Variants in LEMD2 observed in about 807,000 individuals in gnomAD.
LEMD2 encodes LEM domain nuclear envelope protein 2, also known as LEM domain-containing protein 2.
In LEMD2, 34 loss-of-function variants were observed where a neutral mutation model predicts 58.8. The ratio of observed to expected loss-of-function variants is 0.58; its 90% CI spans 0.44 to 0.77. The LOEUF is 0.77. Ranked by LOEUF, LEMD2 falls within the 30% of genes least tolerant of loss-of-function variation. The pLI, the probability that LEMD2 is intolerant of heterozygous loss-of-function variation, is 0.00. For missense variants in LEMD2, 629 were observed against 717.9 expected, an observed-to-expected ratio of 0.88 and a Z score of 1.42; for synonymous variants, 298 against 308.9, an observed-to-expected ratio of 0.96 and a Z score of 0.37.
intron 1 of LEMD2, among the ~76,000 whole-genome samples, chr6:33,787,502 G>A (rs1403387706): frequency 6.6e-6 from 1 of 152,220 alleles, no homozygotes; most frequent in Non-Finnish European, 1.5e-5. Context: ...GTTCCTGCTA[G>A]GCATGAAAGG....
intron 4 of LEMD2, among the ~76,000 whole-genome samples, chr6:33,780,867 A>G (rs1269313467): frequency 6.6e-6 from 1 of 152,222 alleles, no homozygotes; most frequent in Non-Finnish European, 1.5e-5. Context: ...CCCACTGCAC[A>G]TGGCGGCCTG....
At position 33,774,631 on chromosome 6, in the gene LEMD2, T is replaced by G. The variant is rs557593479; in HGVS notation, c.1362-1853A>C. Among the ~76,000 whole-genome samples, 5 of 152,086 alleles carry G rather than the reference T, an allele frequency of 3.3e-5. No individual in the cohort carries two copies. The South Asian group carries it at 6.2e-4, about 19-fold the overall frequency. The stretch of plus-strand genomic sequence containing the variant: ...TTTTAGTAAAGATGGGGTTTCACTA[T>G]GTTGCCCAGGCTGGTCTCGAACTCC... On this transcript the variant is annotated intron_variant, in intron 8 of 8. Coordinates refer to ENST00000293760, the MANE Select transcript of LEMD2 (RefSeq NM_181336.4).
At position 33,777,053 on chromosome 6, in the gene LEMD2, A is replaced by C; in HGVS notation, c.1262T>G (p.Val421Gly). 1 of 1,613,824 alleles carries C rather than the reference A, an allele frequency of 6.2e-7. No individual in the cohort carries two copies. The highest frequency in any genetic ancestry group is 2.2e-5 in the East Asian group (1 of 44,874). The change falls in exon 8 of 9, where the codon GTG becomes GGG. Residue 421 changes from valine to glycine, a missense_variant. By Grantham distance (109) the Val-to-Gly change is moderately radical. This residue lies in a region of LEMD2 where 243 missense variants were observed against 336.8 expected (regional missense o/e 0.72). Transcript: ENST00000293760. ...MYEMVKKIID[V>G]VQDHYVDWEQ... The stretch of plus-strand genomic sequence containing the variant: ...CCAGTCCACGTAATGGTCCTGGACC[A>C]CGTCTGCAGGAGAGAGCACACCATT...
chr6:33,774,766 CCT>C (rs1271780908), intron 8 of LEMD2, among the ~76,000 whole-genome samples: 1 of 152,156 alleles, frequency 6.6e-6, no homozygotes, highest in African/African-American at 2.4e-5. Context: ...AGGCCACCAC[CCT>C]GATACCAACC....
chr6:33,779,455 A>G (rs765874080), intron 5 of LEMD2: 5 of 152,062 alleles, frequency 3.3e-5, no homozygotes, highest in Admixed American at 1.3e-4. Flanking sequence ...AGAGACCCCC[A>G]CAAACACCGA....
At chr6:33,784,461 GGGGT>G (rs1582261600) in intron 2 of LEMD2, 34 bp from the exon 3 acceptor site, 3 of 949,448 alleles carry the variant, frequency 3.2e-6, no homozygotes, top group Non-Finnish European at 3.3e-6. Flanking sequence ...TCAGCAAGGA[GGGGT>G]GGGTGGGAGG....
At chr6:33,773,558 G>C (rs372815951) in intron 8 of LEMD2, among the ~76,000 whole-genome samples, 51 of 151,448 alleles carry the variant, frequency 3.4e-4, no homozygotes, top group East Asian at 2.8e-3. Context: ...GGAGCAGAAG[G>C]GGAGGACAAA....
rs146743691 is a variant in LEMD2 at position 33,776,409 on chromosome 6, A to G, written c.1361+545T>C. Reference sequence around the variant, plus strand: ...CTACTGGGAACATGTTCTCTTGCTTATAAGACAACAATAGGCCTACTTTTC... The same window carrying G: ...CTACTGGGAACATGTTCTCTTGCTTGTAAGACAACAATAGGCCTACTTTTC... On this transcript the variant is annotated intron_variant, in intron 8 of 8. Coordinates refer to ENST00000293760, the MANE Select transcript of LEMD2 (RefSeq NM_181336.4). 2.9e-3 allele frequency among the ~76,000 whole-genome samples: 442 copies of G among 152,362 alleles called. 4 individuals are homozygous for G. Among genetic ancestry groups the G allele is most frequent in the African/African-American group, 9.4e-3 (389 of 41,582 alleles).
rs1251931140 is a variant in LEMD2 at position 33,788,392 on chromosome 6, G to A, written c.725C>T (p.Ala242Val). 1 of 1,578,366 alleles carries A rather than the reference G, an allele frequency of 6.3e-7. No individual in the cohort carries two copies. Among genetic ancestry groups the A allele is most frequent in the Non-Finnish European group, 8.6e-7 (1 of 1,163,762 alleles). Residue 242 changes from alanine to valine, a missense_variant, in exon 1 of 9, where the codon GCG (alanine) becomes GTG (valine). This residue lies in a region of LEMD2 where 386 missense variants were observed against 381.1 expected (regional missense o/e 1.01). Coordinates refer to ENST00000293760, the MANE Select transcript of LEMD2 (RefSeq NM_181336.4). ...KMGKPSAPQE[A>V]EDNMKLLPVD... Reference sequence around the variant, plus strand: ...GGCCCAGGACGTACTGTTGTCCTCCGCCTCCTGCGGCGCTGAGGGCTTGCC... The same window carrying A: ...GGCCCAGGACGTACTGTTGTCCTCCACCTCCTGCGGCGCTGAGGGCTTGCC...
chr6:33,772,305 C>A lies in LEMD2; in HGVS notation c.*323G>T. On this transcript the variant is annotated 3_prime_UTR_variant, in exon 9 of 9. Coordinates refer to ENST00000293760, the MANE Select transcript of LEMD2 (RefSeq NM_181336.4). Reference sequence around the variant, plus strand: ...CGTGGCCATGCCCCAGCCCACCAGCCCCACGCTTGTCAGCTGGGCCTGACA... The same window carrying A: ...CGTGGCCATGCCCCAGCCCACCAGCACCACGCTTGTCAGCTGGGCCTGACA... 1 of 210,870 alleles carries A rather than the reference C, an allele frequency of 4.7e-6. No individual in the cohort carries two copies. The highest frequency in any genetic ancestry group is 9.4e-6 in the Non-Finnish European group (1 of 105,868). 13.1% of individuals were successfully genotyped at this position (210,870 alleles called of 1,614,324 possible). A position where few individuals can be genotyped will look rare whatever the true frequency, so the allele number is the denominator to read the frequency against.
At chr6:33,786,370 C>T (rs562249900) in intron 2 of LEMD2, among the ~76,000 whole-genome samples, 15 of 152,178 alleles carry the variant, frequency 9.9e-5, no homozygotes, top group Non-Finnish European at 1.9e-4. Flanking sequence ...AGAACTTGGC[C>T]TCCTGATGCT....
chr6:33,787,044 C>G, intron 1 of LEMD2: 1 of 511,010 alleles, frequency 2.0e-6, no homozygotes. Flanking sequence ...CCACTCTGAA[C>G]CTCTGTCTCC....
At chr6:33,772,855 ACACATT>A in intron 8 of LEMD2, 77 bp from the exon 9 acceptor site, 1 of 1,335,712 alleles carries the variant, frequency 7.5e-7, no homozygotes, top group Non-Finnish European at 1.0e-6. Flanking sequence ...TACAAAGGGC[ACACATT>A]TCCAGGCTCT....
intron 5 of LEMD2, 71 bp downstream of exon 5, chr6:33,780,029 G>T: frequency 7.7e-7 from 1 of 1,293,040 alleles, no homozygotes; most frequent in Non-Finnish European, 1.1e-6. Flanking sequence ...GTTGGAGCAC[G>T]GGTGTTAGCT....
chr6:33,773,012 G>A (rs972306490), intron 8 of LEMD2, among the ~76,000 whole-genome samples: 3 of 152,224 alleles, frequency 2.0e-5, no homozygotes, highest in Non-Finnish European at 4.4e-5. Context: ...GAGCTAAAGG[G>A]CCGAGGTGTC....
chr6:33,781,242 G>A, intron 3 of LEMD2, 89 bp from the exon 4 acceptor site: 1 of 826,812 alleles, frequency 1.2e-6, no homozygotes, highest in South Asian at 1.5e-5. Context: ...CAAGCCATCA[G>A]CTCTAATAAG....
At chr6:33,782,755 T>A (rs1389353447) in intron 3 of LEMD2, among the ~76,000 whole-genome samples, 1 of 152,238 alleles carries the variant, frequency 6.6e-6, no homozygotes. Flanking sequence ...AGGCAGGACC[T>A]GGAGCTGAGT....
In LEMD2 at chr6:33,788,570, G is replaced by C; in HGVS notation, c.547C>G (p.Pro183Ala). Residue 183 changes from proline (P) to alanine (A), a missense_variant, in exon 1 of 9, where the codon CCG becomes GCG. By Grantham distance (27) the Pro-to-Ala change is conservative (BLOSUM62 -1). Coordinates refer to ENST00000293760, the MANE Select transcript of LEMD2 (RefSeq NM_181336.4). ...PSSLLGPDPR[P>A]GLRATRAGPA... ...CCCGCTCGAGTCGCCCGCAGGCCCGGGCGCGGGTCGGGACCGAGGAGGGAG... is the reference window on the plus strand; with the variant it reads ...CCCGCTCGAGTCGCCCGCAGGCCCGCGCGCGGGTCGGGACCGAGGAGGGAG... 7.2e-7 allele frequency: 1 copy of C among 1,393,388 alleles called. No individual in the cohort carries two copies. The highest frequency in any genetic ancestry group is 3.0e-5 in the East Asian group (1 of 33,112). The allele number at this position is 1,393,388 out of a possible 1,614,324, so 86.3% of individuals were successfully genotyped here.
At chr6:33,779,969 A>G (rs753378297) in intron 5 of LEMD2, 131 bp downstream of exon 5, 4 of 737,432 alleles carry the variant, frequency 5.4e-6, no homozygotes, top group South Asian at 1.7e-5. Flanking sequence ...CCTAACCCAC[A>G]TGATTCTGCT....
Sources: allele counts gnomAD v4.1 joint callset (sites outside exome capture counted in the v4.1 genomes callset), GRCh38; gene constraint gnomAD v4.1.1; regional missense constraint gnomAD v4.1.1; transcripts MANE v1.5; gene names NCBI Gene and HGNC (gene_info 2026-07-23, HGNC 2026-07-21).